Variants in SLC8A3 observed in about 807,000 individuals in gnomAD.
SLC8A3 encodes the protein solute carrier family 8 member A3.
In SLC8A3, 37 loss-of-function variants were observed where a neutral mutation model predicts 65.4. The observed-to-expected ratio is 0.57, with a 90% CI of 0.44 to 0.74. The LOEUF is 0.74. Among genes scored for constraint, SLC8A3 ranks in the 30% least tolerant of loss-of-function variants. The pLI is 0.00. For missense variants in SLC8A3, 1,112 were observed against 1,172.1 expected (o/e 0.95, Z 0.75); for synonymous variants, 461 against 444.5 (o/e 1.04, Z -0.47).
chr14:70,055,995 G>A (rs368819245), intron 3 of SLC8A3, among the ~76,000 whole-genome samples: 116 of 152,318 alleles, frequency 7.6e-4, no homozygotes, highest in African/African-American at 2.6e-3. Flanking sequence ...CAGAGCAGCA[G>A]CAAGAGGTGT....
intron 2 of SLC8A3, among the ~76,000 whole-genome samples, chr14:70,125,080 C>A (rs1052401608): frequency 5.9e-5 from 9 of 152,310 alleles, no homozygotes; most frequent in African/African-American, 1.7e-4. Context: ...TAAATGGGTT[C>A]ATAAATTTTT....
chr14:70,126,866 G>C (rs1232238335), intron 2 of SLC8A3, among the ~76,000 whole-genome samples: 2 of 151,870 alleles, frequency 1.3e-5, no homozygotes, highest in Non-Finnish European at 2.9e-5. Context: ...TTTTGGATTA[G>C]GGATGCTGAA....
intron 3 of SLC8A3, chr14:70,059,526 G>A (rs1888532871): frequency 6.6e-6 from 1 of 152,124 alleles, no homozygotes; most frequent in Admixed American, 6.5e-5. Context: ...ATGATTGGAA[G>A]CCATTCAAAG....
At chr14:70,128,917 C>T (rs989261893) in intron 2 of SLC8A3, among the ~76,000 whole-genome samples, 1 of 152,154 alleles carries the variant, frequency 6.6e-6, no homozygotes, top group Non-Finnish European at 1.5e-5. Flanking sequence ...TCAATTATCA[C>T]CACGTTAATT....
At chr14:70,170,624 A>T (rs538197986) in intron 1 of SLC8A3, among the ~76,000 whole-genome samples, 54 of 152,324 alleles carry the variant, frequency 3.5e-4, no homozygotes, top group African/African-American at 1.2e-3. Flanking sequence ...ATACATATAC[A>T]TTTCATAGAC....
chr14:70,122,606 T>C (rs902547516), intron 2 of SLC8A3, among the ~76,000 whole-genome samples: 1 of 152,202 alleles, frequency 6.6e-6, no homozygotes, highest in African/African-American at 2.4e-5. Flanking sequence ...ATTGCATGGA[T>C]GGCGCTTAGC....
chr14:70,175,060 A>G (rs1306531364), intron 1 of SLC8A3, among the ~76,000 whole-genome samples: 2 of 152,116 alleles, frequency 1.3e-5, no homozygotes. Context: ...GAACCGTCTG[A>G]CAGTTTCATG....
At chr14:70,159,976 G>C (rs149646634) in intron 2 of SLC8A3, among the ~76,000 whole-genome samples, 1 of 151,974 alleles carries the variant, frequency 6.6e-6, no homozygotes, top group Non-Finnish European at 1.5e-5. Flanking sequence ...TCCACCAACC[G>C]CAGGTTCCAC....
rs573316122 is a variant in SLC8A3, at chr14:70,046,138, C to T, written c.2575G>A (p.Val859Ile). The change falls in exon 7 of 7, where the codon GTC becomes ATC. Residue 859 changes from valine to isoleucine, a missense_variant. By Grantham distance (29) the Val-to-Ile change is conservative. Coordinates refer to ENST00000356921, the MANE Select transcript of SLC8A3 (RefSeq NM_182932.3). This position sits in a 1 kb window ranked among gnomAD's most constrained non-coding sequence, Gnocchi z 4.2. The stretch of plus-strand genomic sequence containing the variant: ...AATGCAAAGATGGTGAAGAGGGTGA[C>T]GGAGAAGGCCAGTGTGCCGGCCGAC... Reference protein sequence around the residue: ...HVSAGTLAFSVTLFTIFAFVC... With the variant: ...HVSAGTLAFSITLFTIFAFVC... 49 of 1,614,014 alleles carry T rather than the reference C, an allele frequency of 3.0e-5. No homozygotes were observed. Among genetic ancestry groups the T allele is most frequent in the African/African-American group, 6.7e-5 (5 of 74,908 alleles).
intron 2 of SLC8A3, among the ~76,000 whole-genome samples, chr14:70,085,528 C>T (rs1891369253): frequency 6.6e-6 from 1 of 152,166 alleles, no homozygotes; most frequent in Admixed American, 6.5e-5. Flanking sequence ...CTGCAATGAC[C>T]CACATTGACT....
chr14:70,151,890 AG>A (rs1225262330), intron 2 of SLC8A3, among the ~76,000 whole-genome samples: 1 of 150,634 alleles, frequency 6.6e-6, no homozygotes, highest in Non-Finnish European at 1.5e-5. Context: ...TAAGGATACC[AG>A]TCATAGGATC....
At chr14:70,080,125 C>T in intron 2 of SLC8A3, 1 of 985,562 alleles carries the variant, frequency 1.0e-6, no homozygotes, top group South Asian at 4.7e-5. Flanking sequence ...CTTATCCACC[C>T]TCCTGGCTGC....
At chr14:70,061,288 G>A (rs1354036735) in intron 2 of SLC8A3, among the ~76,000 whole-genome samples, 1 of 152,100 alleles carries the variant, frequency 6.6e-6, no homozygotes, top group Non-Finnish European at 1.5e-5. Flanking sequence ...ACAGTTAGTA[G>A]GAAGTGAGTC....
chr14:70,073,215 G>A (rs1472258798), intron 2 of SLC8A3, among the ~76,000 whole-genome samples: 1 of 152,114 alleles, frequency 6.6e-6, no homozygotes, highest in Non-Finnish European at 1.5e-5. Context: ...GGTTAGGAAC[G>A]TTGCACTATA....
At chr14:70,085,372 C>T (rs1177172526) in intron 2 of SLC8A3, among the ~76,000 whole-genome samples, 1 of 152,182 alleles carries the variant, frequency 6.6e-6, no homozygotes, top group African/African-American at 2.4e-5. Flanking sequence ...TCTATGCATT[C>T]TCCTTGGACT....
chr14:70,075,201 C>T (rs1019034265), intron 2 of SLC8A3, among the ~76,000 whole-genome samples: 2 of 152,092 alleles, frequency 1.3e-5, no homozygotes. Context: ...TTTTAGTTCA[C>T]CCTCCAGAGC....
rs752168912 is a variant in SLC8A3 at position 70,167,157 on chromosome 14, C to T, written c.1266G>A (p.Gly422=). Reference sequence around the variant, plus strand: ...CATACATGGTCTTTGACATGTCTCCCCCTTTCCTCACCACTGTCAGGAGTA... The same window carrying T: ...CATACATGGTCTTTGACATGTCTCCTCCTTTCCTCACCACTGTCAGGAGTA... ...GAVLLTVVRK[G]GDMSKTMYVD... Residue 422 remains glycine (G), a synonymous_variant, in exon 2 of 7, where the codon GGG becomes GGA. Coordinates refer to ENST00000356921, the MANE Select transcript of SLC8A3 (RefSeq NM_182932.3). 1.2e-6 allele frequency: 2 copies of T among 1,614,192 alleles called. No homozygotes were observed. Among genetic ancestry groups the T allele is most frequent in the Non-Finnish European group, 8.5e-7 (1 of 1,180,014 alleles).
chr14:70,123,343 G>A lies in SLC8A3; in HGVS notation c.1784+43296C>T, dbSNP rs566950231. Among the ~76,000 whole-genome samples the A allele has an allele frequency of 1.5e-3, 224 of 151,864 alleles. 1 individual carries two copies. Among genetic ancestry groups the A allele is most frequent in the South Asian group, 4.8e-3 (23 of 4,820 alleles). ...CTCCTTTTCTCATTTTCCCTTAAAA[G>A]TAATTGTTTATATTAAAAACAAAGA... On this transcript the variant is annotated intron_variant, in intron 2 of 6. Transcript: ENST00000356921.
intron 2 of SLC8A3, among the ~76,000 whole-genome samples, chr14:70,061,818 T>C (rs1355936571): frequency 6.6e-6 from 1 of 152,170 alleles, no homozygotes; most frequent in Non-Finnish European, 1.5e-5. Flanking sequence ...GTTTCCTCAA[T>C]GTGAATTATC....
Sources: gnomAD v4.1 joint callset for allele counts (sites outside exome capture counted in the v4.1 genomes callset) on GRCh38, gnomAD v4.1.1 for gene constraint, Gnocchi (gnomAD v3.1) non-coding constraint, MANE v1.5 for transcripts, NCBI Gene and HGNC (gene_info 2026-07-23, HGNC 2026-07-21) for gene names.